SMARCA4: variants seen among roughly 807,000 people sequenced by gnomAD.
SMARCA4 encodes the protein SWI/SNF related BAF chromatin remodeling complex subunit ATPase 4, also known as SWI/SNF-related matrix-associated actin-dependent regulator of chromatin subfamily A member 4.
In SMARCA4, 31 loss-of-function variants were observed where a neutral mutation model predicts 193.9. The ratio of observed to expected loss-of-function variants is 0.16; its 90% CI spans 0.12 to 0.22. SMARCA4 has a LOEUF of 0.22. Ranked by LOEUF, SMARCA4 falls within the 10% of genes least tolerant of loss-of-function variation. The pLI is 1.00. For synonymous variants in SMARCA4, 942 were observed against 933.1 expected, an observed-to-expected ratio of 1.01 and a Z score of -0.17; for missense variants, 1,148 against 2,296.0, an observed-to-expected ratio of 0.50 and a Z score of 10.22.
At position 10,985,038 on chromosome 19, in the gene SMARCA4, C is replaced by T. The variant is rs777735042; in HGVS notation, c.223-235C>T. ...GTGGTAGAAGATGAGGATTGCTTGA[C>T]CACAGTCTCCCATATGCTCGTGCTC... On this transcript the variant is annotated intron_variant, in intron 2 of 34. Coordinates refer to ENST00000344626, the MANE Select transcript of SMARCA4 (RefSeq NM_003072.5). This position sits in a 1 kb window ranked among gnomAD's most constrained non-coding sequence, Gnocchi z 4.5. Among the ~76,000 whole-genome samples, 1 of 152,152 alleles carries T rather than the reference C, an allele frequency of 6.6e-6. No homozygotes were observed. The highest frequency in any genetic ancestry group is 1.5e-5 in the Non-Finnish European group (1 of 68,030).
chr19:11,035,279 C>T, intron 29 of SMARCA4, 147 bp downstream of exon 29: 2 of 792,282 alleles, frequency 2.5e-6, no homozygotes, highest in Non-Finnish European at 4.3e-6. Flanking sequence ...AGCCGAGAGC[C>T]TTCCGATGTG....
intron 21 of SMARCA4, among the ~76,000 whole-genome samples, chr19:11,024,782 T>TCCCAGGC (rs2090129847): frequency 6.6e-6 from 1 of 151,996 alleles, no homozygotes; most frequent in Admixed American, 6.6e-5. Flanking sequence ...GCTCTGAGAA[T>TCCCAGGC]CCCAGGCCCC....
chr19:10,995,445 T>C, intron 9 of SMARCA4: 1 of 459,636 alleles, frequency 2.2e-6, no homozygotes, highest in South Asian at 1.5e-5. Flanking sequence ...CTCCTGGTTG[T>C]GCTTGAGGGG....
In SMARCA4 at chr19:11,030,629, G is replaced by A; in HGVS notation, c.3383-101G>A. ...GCCAGGGATCTGGGGATGCTGGCAG[G>A]TGCTGATCCTGCTCCTGCTCTCAGA... On this transcript the variant is annotated intron_variant, in intron 24 of 34. Coordinates refer to ENST00000344626, the MANE Select transcript of SMARCA4 (RefSeq NM_003072.5). This position sits in a 1 kb window ranked among gnomAD's most constrained non-coding sequence, Gnocchi z 5.5. 9.2e-7 allele frequency: 1 copy of A among 1,087,268 alleles called. No homozygotes were observed. The highest frequency in any genetic ancestry group is 1.3e-5 in the South Asian group (1 of 74,618). 67.4% of individuals were successfully genotyped at this position (1,087,268 alleles called of 1,614,324 possible). A position where few individuals can be genotyped will look rare whatever the true frequency, so the allele number is the denominator to read the frequency against.
chr19:11,004,311 G>A (rs779174103), intron 13 of SMARCA4, among the ~76,000 whole-genome samples: 12 of 149,146 alleles, frequency 8.0e-5, no homozygotes, highest in Non-Finnish European at 1.3e-4. Flanking sequence ...GTGCAGTGGC[G>A]CGATCTCGCT....
At chr19:11,025,671 C>A (rs140349651) in intron 22 of SMARCA4, 163 bp downstream of exon 22, 6 of 655,846 alleles carry the variant, frequency 9.1e-6, no homozygotes, top group Non-Finnish European at 1.7e-5. Context: ...CCAGTGCTTA[C>A]GGGAAGAATC....
At chr19:11,055,057 A>G (rs1399244422) in intron 30 of SMARCA4, among the ~76,000 whole-genome samples, 1 of 152,212 alleles carries the variant, frequency 6.6e-6, no homozygotes, top group African/African-American at 2.4e-5. Flanking sequence ...GGGAAGCCTG[A>G]GGACAGGACC....
chr19:10,975,176 CT>C lies in SMARCA4; in HGVS notation c.-31-8944del, dbSNP rs1158079620. ...GGACTACAGGCATGCACCATTACCC[CT>C]GGCTGACTTTTGTATTTTTACTAGA... is the stretch of plus-strand genomic sequence containing the variant. On this transcript the variant is annotated intron_variant, in intron 1 of 34. Transcript: ENST00000344626. Among the ~76,000 whole-genome samples the C allele has an allele frequency of 4.0e-5, 6 of 151,364 alleles. No individual in the cohort carries two copies. The Middle Eastern group carries it at 0.02, about 515-fold the overall frequency.
rs1381393548 is a variant in SMARCA4, at chr19:11,041,626, A to T, written c.4424+66A>T. 7.1e-7 allele frequency: 1 copy of T among 1,409,922 alleles called. No individual in the cohort carries two copies. The highest frequency in any genetic ancestry group is 2.3e-5 in the East Asian group (1 of 43,446). 87.3% of individuals were successfully genotyped at this position (1,409,922 alleles called of 1,614,324 possible). On this transcript the variant is annotated intron_variant, in intron 30 of 34. Coordinates refer to ENST00000344626, the MANE Select transcript of SMARCA4 (RefSeq NM_003072.5). This position sits in a 1 kb window ranked among gnomAD's most constrained non-coding sequence, Gnocchi z 5.6. Reference sequence around the variant, plus strand: ...CCGTGGGAGCAGGCCTGGCATCTGCACTCTGACTCTGCACACTCAGGCTTG... The same window carrying T: ...CCGTGGGAGCAGGCCTGGCATCTGCTCTCTGACTCTGCACACTCAGGCTTG...
At chr19:11,003,434 G>T in intron 13 of SMARCA4, 37 bp downstream of exon 13, 4 of 1,570,178 alleles carry the variant, frequency 2.5e-6, no homozygotes, top group Non-Finnish European at 3.5e-6. Flanking sequence ...GGCTCTCAGT[G>T]CCCACTGGCA....
chr19:11,049,712 C>A (rs2076152479), intron 30 of SMARCA4, among the ~76,000 whole-genome samples: 1 of 152,204 alleles, frequency 6.6e-6, no homozygotes, highest in South Asian at 2.1e-4. Flanking sequence ...AGGGCATCTG[C>A]TGGTCCATGT....
intron 11 of SMARCA4, among the ~76,000 whole-genome samples, chr19:10,997,358 C>T (rs1426832253): frequency 6.6e-6 from 1 of 152,038 alleles, no homozygotes; most frequent in African/African-American, 2.4e-5. Flanking sequence ...GCTACCACGC[C>T]CGGCTAATTT....
rs377511864 is a variant in SMARCA4 at position 11,029,952 on chromosome 19, AG to A, written c.3383-776del. ...CAGCCTCCCAAAGTGTTGGGATTAC[AG>A]GCATGAGTCACCGCGCCCGGCCTGC... On this transcript the variant is annotated intron_variant, in intron 24 of 34. Transcript: ENST00000344626. 1.7e-3 allele frequency among the ~76,000 whole-genome samples: 257 copies of A among 152,250 alleles called. 2 individuals carry two copies. The highest frequency in any genetic ancestry group is 5.6e-3 in the African/African-American group (232 of 41,534).
At position 11,031,322 on chromosome 19, in the gene SMARCA4, A is replaced by G; in HGVS notation, c.3546+429A>G. ...CGTTTACTTCCTCCTCTTGTTCCAT[A>G]ACCATGTACCCCTCATGGGCCTCGG... is the stretch of plus-strand genomic sequence containing the variant. On this transcript the variant is annotated intron_variant, in intron 25 of 34. Transcript: ENST00000344626. The surrounding 1 kb of genome is among the most constrained non-coding windows in gnomAD (Gnocchi z 4.3). 1 of 254,826 alleles carries G rather than the reference A, an allele frequency of 3.9e-6. No homozygotes were observed. The allele number at this position is 254,826 out of a possible 1,614,324, so 15.8% of individuals were successfully genotyped here.
Position 11,019,490 on chromosome 19 carries a change from C to G in SMARCA4, c.2506-101C>G. ...CACTACCCCTGTGAGGACGAGCCCT[C>G]CCGCCGTGTCACTGGGCAGTTGCAG... On this transcript the variant is annotated intron_variant, in intron 17 of 34. Coordinates refer to ENST00000344626, the MANE Select transcript of SMARCA4 (RefSeq NM_003072.5). This position sits in a 1 kb window ranked among gnomAD's most constrained non-coding sequence, Gnocchi z 6.1. 1.3e-6 allele frequency: 1 copy of G among 749,204 alleles called. No homozygotes were observed. The highest frequency in any genetic ancestry group is 1.5e-5 in the South Asian group (1 of 68,034). 46.4% of individuals were successfully genotyped at this position (749,204 alleles called of 1,614,324 possible).
intron 29 of SMARCA4, chr19:11,040,877 C>T (rs551223786): frequency 1.3e-4 from 21 of 163,018 alleles, no homozygotes; most frequent in East Asian, 1.1e-3. Context: ...TATGATGGTG[C>T]CACTGCACTC....
intron 15 of SMARCA4, chr19:11,012,642 T>G: frequency 2.4e-6 from 1 of 418,396 alleles, no homozygotes; most frequent in South Asian, 2.1e-5. Flanking sequence ...GTGTGCTGTG[T>G]GGGGCATGGA....
intron 1 of SMARCA4, among the ~76,000 whole-genome samples, chr19:10,967,264 A>C (rs1004150025): frequency 6.6e-6 from 1 of 152,102 alleles, no homozygotes; most frequent in Non-Finnish European, 1.5e-5. Flanking sequence ...TTTCCCTCCA[A>C]TTCCCTCAGG....
At chr19:11,006,951 A>G (rs77261935) in intron 13 of SMARCA4, among the ~76,000 whole-genome samples, 14,869 of 151,894 alleles carry the variant, frequency 0.098, 796 homozygotes, top group South Asian at 0.11. Context: ...GCCAAGTGTC[A>G]TAGTGCACGC....
Sources: gnomAD v4.1 joint callset for allele counts (sites outside exome capture counted in the v4.1 genomes callset) on GRCh38, gnomAD v4.1.1 for gene constraint, Gnocchi (gnomAD v3.1) non-coding constraint, MANE v1.5 for transcripts, NCBI Gene and HGNC (gene_info 2026-07-23, HGNC 2026-07-21) for gene names.